MSH3: variants seen among roughly 807,000 people sequenced by gnomAD.
MSH3 encodes DNA mismatch repair protein Msh3.
In MSH3, 106 loss-of-function variants were observed where a neutral mutation model predicts 123.3. That is an observed-to-expected ratio of 0.86 (90% CI 0.73 to 1.01). MSH3 has a LOEUF of 1.01. Among genes scored for constraint, MSH3 ranks in the 50% least tolerant of loss-of-function variants. MSH3 has a pLI of 0.00. For missense variants in MSH3, 1,459 were observed against 1,347.6 expected, an observed-to-expected ratio of 1.08 and a Z score of -1.29; for synonymous variants, 515 against 481.4, an observed-to-expected ratio of 1.07 and a Z score of -0.91.
At chr5:80,814,538 T>C (rs1745068868) in intron 20 of MSH3, among the ~76,000 whole-genome samples, 1 of 152,266 alleles carries the variant, frequency 6.6e-6, no homozygotes, top group South Asian at 2.1e-4. Flanking sequence ...CTCCAAGTGC[T>C]GGGATTATAG....
chr5:80,807,472 G>A (rs145549332), intron 19 of MSH3, among the ~76,000 whole-genome samples: 7 of 152,304 alleles, frequency 4.6e-5, no homozygotes, highest in African/African-American at 1.7e-4. Context: ...GAGTGACAGA[G>A]GTCATAGTGA....
chr5:80,716,639 A>T (rs1006970790), intron 8 of MSH3, among the ~76,000 whole-genome samples: 1 of 152,156 alleles, frequency 6.6e-6, no homozygotes, highest in Non-Finnish European at 1.5e-5. Flanking sequence ...TATGGGGTAC[A>T]TGTGATATTT....
chr5:80,813,851 AT>A, intron 20 of MSH3, 110 bp downstream of exon 20: 1 of 1,195,162 alleles, frequency 8.4e-7, no homozygotes, highest in Non-Finnish European at 1.2e-6. Context: ...AGCACTCAAC[AT>A]TTAGGAGCTT....
At chr5:80,657,394 T>G (rs1466971956) in intron 2 of MSH3, among the ~76,000 whole-genome samples, 1 of 152,160 alleles carries the variant, frequency 6.6e-6, no homozygotes, top group Admixed American at 6.5e-5. Flanking sequence ...TGAGCCAAGA[T>G]TGTGCCACTG....
At chr5:80,692,413 C>T (rs1446141848) in intron 8 of MSH3, among the ~76,000 whole-genome samples, 2 of 31,542 alleles carry the variant, frequency 6.3e-5, no homozygotes, top group African/African-American at 2.4e-4. Context: ...GATAGATAAA[C>T]ATGTATATGT....
chr5:80,718,208 T>C (rs1357249390), intron 8 of MSH3, among the ~76,000 whole-genome samples: 1 of 152,196 alleles, frequency 6.6e-6, no homozygotes, highest in Non-Finnish European at 1.5e-5. Context: ...TTAATTTCCT[T>C]TGCAGTTTTG....
intron 20 of MSH3, among the ~76,000 whole-genome samples, chr5:80,833,451 T>A (rs1178827799): frequency 1.3e-5 from 2 of 152,220 alleles, no homozygotes; most frequent in African/African-American, 4.8e-5. Flanking sequence ...ATTTTTTTGT[T>A]TTTTTGTTTT....
intron 22 of MSH3, among the ~76,000 whole-genome samples, chr5:80,872,099 A>G (rs764236534): frequency 9.2e-5 from 14 of 152,206 alleles, no homozygotes; most frequent in Non-Finnish European, 1.3e-4. Context: ...GTTAACCTGA[A>G]TATTTAATAA....
At chr5:80,658,776 T>A (rs1239853808) in intron 2 of MSH3, among the ~76,000 whole-genome samples, 1 of 152,042 alleles carries the variant, frequency 6.6e-6, no homozygotes, top group Non-Finnish European at 1.5e-5. Flanking sequence ...TATATATATT[T>A]TTTTAGAGAC....
At chr5:80,751,492 C>A (rs1743835840) in intron 12 of MSH3, among the ~76,000 whole-genome samples, 1 of 152,264 alleles carries the variant, frequency 6.6e-6, no homozygotes, top group African/African-American at 2.4e-5. Context: ...ATCAAGGAAT[C>A]CTTCTGAGGC....
intron 10 of MSH3, among the ~76,000 whole-genome samples, chr5:80,733,688 A>G (rs559552005): frequency 4.7e-4 from 71 of 152,106 alleles, no homozygotes; most frequent in Non-Finnish European, 9.3e-4. Flanking sequence ...TCTCCAAAGG[A>G]TATATGCAAA....
chr5:80,790,228 G>A (rs988392602), intron 18 of MSH3, among the ~76,000 whole-genome samples: 4 of 152,146 alleles, frequency 2.6e-5, no homozygotes, highest in African/African-American at 9.6e-5. Context: ...CAATCTAAAT[G>A]TTTAACAGTG....
chr5:80,681,485 A>G (rs1248034804), intron 8 of MSH3, among the ~76,000 whole-genome samples: 2 of 152,062 alleles, frequency 1.3e-5, no homozygotes, highest in African/African-American at 2.4e-5. Flanking sequence ...ATATTTCTAT[A>G]TATGGATATT....
chr5:80,678,407 A>G (rs1010592175), intron 7 of MSH3, among the ~76,000 whole-genome samples: 3 of 152,242 alleles, frequency 2.0e-5, no homozygotes, highest in African/African-American at 4.8e-5. Flanking sequence ...AGAGTTTGAT[A>G]AAGTATACAT....
chr5:80,865,113 ATT>A (rs1483705031), intron 22 of MSH3, among the ~76,000 whole-genome samples, 171 bp downstream of exon 22: 4 of 152,180 alleles, frequency 2.6e-5, no homozygotes, highest in Admixed American at 2.6e-4. Flanking sequence ...TAGAATTTAG[ATT>A]TATCCTTGCT....
At chr5:80,693,052 TATAG>T (rs1405433644) in intron 8 of MSH3, among the ~76,000 whole-genome samples, 2 of 125,636 alleles carry the variant, frequency 1.6e-5, no homozygotes, top group Non-Finnish European at 3.5e-5. Flanking sequence ...TATATGTTTA[TATAG>T]ATAAATATAC....
chr5:80,740,176 C>A (rs1380991398), intron 10 of MSH3, among the ~76,000 whole-genome samples: 4 of 152,146 alleles, frequency 2.6e-5, no homozygotes, highest in African/African-American at 7.2e-5. Flanking sequence ...ATTGTACATA[C>A]ATTTATTAGT....
intron 10 of MSH3, among the ~76,000 whole-genome samples, chr5:80,739,079 C>G (rs1301807275): frequency 1.3e-5 from 2 of 152,140 alleles, no homozygotes; most frequent in Non-Finnish European, 2.9e-5. Flanking sequence ...TGTTATAACC[C>G]AAATAAACAA....
chr5:80,695,896 T>A (rs1750467531), intron 8 of MSH3, among the ~76,000 whole-genome samples: 2 of 152,194 alleles, frequency 1.3e-5, no homozygotes, highest in Non-Finnish European at 2.9e-5. Flanking sequence ...ACCAGTGCTT[T>A]TTTGTATTAT....
Sources: allele counts gnomAD v4.1 joint callset (sites outside exome capture counted in the v4.1 genomes callset), GRCh38; gene constraint gnomAD v4.1.1; transcripts MANE v1.5; gene names NCBI Gene and HGNC (gene_info 2026-07-23, HGNC 2026-07-21).